LEPR: variants seen among roughly 807,000 people sequenced by gnomAD.
The protein encoded by LEPR is leptin receptor.
In LEPR, 56 loss-of-function variants were observed where a neutral mutation model predicts 114.7. The ratio of observed to expected loss-of-function variants is 0.49; its 90% CI spans 0.39 to 0.61. LEPR has a LOEUF of 0.61. LEPR is among the 20% of genes least tolerant of loss of function. The pLI is 0.00. For missense variants in LEPR, 1,202 were observed against 1,352.9 expected (o/e 0.89, Z 1.75); for synonymous variants, 443 against 461.4 (o/e 0.96, Z 0.51).
chr1:65,544,883 G>A (rs1396473447), intron 2 of LEPR, among the ~76,000 whole-genome samples: 2 of 150,482 alleles, frequency 1.3e-5, no homozygotes, highest in Non-Finnish European at 3.0e-5. Context: ...GTATACATGT[G>A]CCATGCTGGT....
chr1:65,492,095 C>T (rs114234018), intron 2 of LEPR, among the ~76,000 whole-genome samples: 4,052 of 152,082 alleles, frequency 0.027, 186 homozygotes, highest in African/African-American at 0.093. Context: ...TGGGTATTTA[C>T]CGAGTTCAAC....
intron 2 of LEPR, among the ~76,000 whole-genome samples, chr1:65,541,194 T>G (rs1651170393): frequency 6.6e-6 from 1 of 152,222 alleles, no homozygotes; most frequent in Non-Finnish European, 1.5e-5. Flanking sequence ...ATTAATAAAA[T>G]GTTATTTCTT....
At chr1:65,421,487 T>G in intron 1 of LEPR, 1 of 1,535,976 alleles carries the variant, frequency 6.5e-7, no homozygotes, top group South Asian at 1.2e-5. Flanking sequence ...TTCTAATCTG[T>G]CGAATAGAGT....
At chr1:65,572,287 G>GTTT (rs745926910) in intron 4 of LEPR, 39 bp from the exon 5 acceptor site, 3 of 975,488 alleles carry the variant, frequency 3.1e-6, no homozygotes, top group African/African-American at 2.6e-5. Flanking sequence ...ATTTCATGTA[G>GTTT]TTGTTTTTTT....
chr1:65,604,143 C>A (rs1656649210), intron 10 of LEPR, among the ~76,000 whole-genome samples: 2 of 151,964 alleles, frequency 1.3e-5, no homozygotes, highest in African/African-American at 4.8e-5. Flanking sequence ...CTGTCTCTAA[C>A]TGGATCATTT....
intron 8 of LEPR, 120 bp from the exon 9 acceptor site, chr1:65,601,272 A>T: frequency 1.7e-6 from 2 of 1,212,086 alleles, no homozygotes; most frequent in South Asian, 1.3e-5. Flanking sequence ...TTTTTAAATT[A>T]CACTCATTTT....
At chr1:65,430,151 C>A in intron 2 of LEPR, 1 of 1,023,738 alleles carries the variant, frequency 9.8e-7, no homozygotes, top group East Asian at 2.7e-5. Context: ...GCTTTATACT[C>A]AAGGCCGTGT....
chr1:65,457,935 A>G (rs1646897994), intron 2 of LEPR, among the ~76,000 whole-genome samples: 1 of 152,204 alleles, frequency 6.6e-6, no homozygotes, highest in South Asian at 2.1e-4. Context: ...AAAGGCCAGT[A>G]GCCTCCTTTC....
At chr1:65,602,107 T>G (rs1656479735) in intron 10 of LEPR, 147 bp downstream of exon 10, 2 of 750,142 alleles carry the variant, frequency 2.7e-6, no homozygotes, top group Admixed American at 2.0e-5. Flanking sequence ...TTTTGAGGGA[T>G]TATATAAATT....
chr1:65,505,231 T>A (rs145385175), intron 2 of LEPR, among the ~76,000 whole-genome samples: 102 of 152,348 alleles, frequency 6.7e-4, no homozygotes, highest in African/African-American at 2.4e-3. Context: ...CACCACTTGA[T>A]GTTACACTAT....
intron 2 of LEPR, among the ~76,000 whole-genome samples, chr1:65,553,926 T>C (rs1652617358): frequency 6.6e-6 from 1 of 152,200 alleles, no homozygotes; most frequent in African/African-American, 2.4e-5. Context: ...ATGCTATTCC[T>C]TTCTGTGTGT....
At chr1:65,430,926 G>A (rs1646473127) in intron 2 of LEPR, among the ~76,000 whole-genome samples, 1 of 152,132 alleles carries the variant, frequency 6.6e-6, no homozygotes, top group Non-Finnish European at 1.5e-5. Flanking sequence ...TTTGTATTGA[G>A]GTAGGATGGC....
chr1:65,453,579 G>T (rs556976437), intron 2 of LEPR, among the ~76,000 whole-genome samples: 2 of 152,272 alleles, frequency 1.3e-5, no homozygotes, highest in South Asian at 4.2e-4. Context: ...TTTCCATGTA[G>T]TTGAGCGGTT....
intron 5 of LEPR, among the ~76,000 whole-genome samples, chr1:65,573,314 A>G (rs956797690): frequency 6.6e-6 from 1 of 152,228 alleles, no homozygotes; most frequent in African/African-American, 2.4e-5. Context: ...TATTGCAGGT[A>G]TAGGTGGGCA....
chr1:65,549,251 T>C (rs879815397), intron 2 of LEPR, among the ~76,000 whole-genome samples: 1 of 151,106 alleles, frequency 6.6e-6, no homozygotes, highest in Non-Finnish European at 1.5e-5. Flanking sequence ...ATTTTTTCCT[T>C]CATTTCAACT....
chr1:65,584,420 T>C (rs1172554612), intron 5 of LEPR, among the ~76,000 whole-genome samples: 1 of 152,136 alleles, frequency 6.6e-6, no homozygotes, highest in Non-Finnish European at 1.5e-5. Flanking sequence ...TATATATCTC[T>C]GTATGTACAT....
At chr1:65,604,950 T>C in intron 10 of LEPR, 88 bp from the exon 11 acceptor site, 1 of 1,535,550 alleles carries the variant, frequency 6.5e-7, no homozygotes, top group Admixed American at 1.7e-5. Context: ...TGGGGACTGC[T>C]GTTTTAAACA....
chr1:65,506,375 T>A (rs1427241885), intron 2 of LEPR, among the ~76,000 whole-genome samples: 1 of 152,234 alleles, frequency 6.6e-6, no homozygotes, highest in Non-Finnish European at 1.5e-5. Flanking sequence ...CAGCACACTA[T>A]GTTTTGAGTC....
chr1:65,580,669 TACAAC>T (rs981383215), intron 5 of LEPR, among the ~76,000 whole-genome samples: 67 of 152,230 alleles, frequency 4.4e-4, no homozygotes, highest in African/African-American at 1.6e-3. Flanking sequence ...AACAAGGTTC[TACAAC>T]ACAGACTCAG....
Sources: allele counts gnomAD v4.1 joint callset (sites outside exome capture counted in the v4.1 genomes callset), GRCh38; gene constraint gnomAD v4.1.1; transcripts MANE v1.5; gene names NCBI Gene and HGNC (gene_info 2026-07-23, HGNC 2026-07-21).